DPP10: variants seen among roughly 807,000 people sequenced by gnomAD.
DPP10 encodes inactive dipeptidyl peptidase 10.
A neutral mutation model predicts 120.9 loss-of-function variants in DPP10; 33 were observed. The observed-to-expected ratio is 0.27, with a 90% CI of 0.21 to 0.37. The LOEUF (loss-of-function observed/expected upper bound fraction) is 0.37, where lower values mean the gene tolerates loss of function less well. DPP10 is among the 10% of genes least tolerant of loss of function. The probability of loss-of-function intolerance (pLI) is 1.00; values close to 1 mark genes in which losing one functional copy is unlikely to be tolerated. For synonymous variants in DPP10, 337 were observed against 326.1 expected (o/e 1.03, Z -0.36); for missense variants, 816 against 942.8 (o/e 0.87, Z 1.76).
chr2:115,047,761 C>T (rs896919193), intron 1 of DPP10, among the ~76,000 whole-genome samples: 2 of 152,076 alleles, frequency 1.3e-5, no homozygotes, highest in Non-Finnish European at 2.9e-5. Flanking sequence ...ATACATAACA[C>T]AGATATTAGT....
At chr2:114,637,517 T>C (rs562198526) in intron 1 of DPP10, among the ~76,000 whole-genome samples, 24 of 152,026 alleles carry the variant, frequency 1.6e-4, no homozygotes, top group Admixed American at 5.2e-4. Context: ...TTTTTGTTTT[T>C]GTTTCAGTTG....
At chr2:115,287,813 T>A (rs1374148382) in intron 1 of DPP10, among the ~76,000 whole-genome samples, 2 of 152,034 alleles carry the variant, frequency 1.3e-5, no homozygotes, top group African/African-American at 2.4e-5. Flanking sequence ...AGGTGAGGGA[T>A]CTCTACAAGA....
At chr2:114,958,637 C>A (rs2104698600) in intron 1 of DPP10, among the ~76,000 whole-genome samples, 1 of 151,882 alleles carries the variant, frequency 6.6e-6, no homozygotes, top group East Asian at 1.9e-4. Flanking sequence ...TATTGTACCC[C>A]CAAAATATTT....
intron 5 of DPP10, among the ~76,000 whole-genome samples, chr2:115,613,177 A>G (rs891603069): frequency 2.0e-5 from 3 of 152,148 alleles, no homozygotes; most frequent in Non-Finnish European, 2.9e-5. Context: ...TGCTATTTTT[A>G]TATAGATAGA....
At chr2:114,497,041 A>G (rs1457097926) in intron 1 of DPP10, among the ~76,000 whole-genome samples, 1 of 151,014 alleles carries the variant, frequency 6.6e-6, no homozygotes, top group Non-Finnish European at 1.5e-5. Context: ...ATATACATAT[A>G]TATGCATACA....
At chr2:115,642,114 C>T (rs2086832227) in intron 5 of DPP10, among the ~76,000 whole-genome samples, 1 of 151,964 alleles carries the variant, frequency 6.6e-6, no homozygotes, top group African/African-American at 2.4e-5. Context: ...TAACTCTAAC[C>T]ATCCAAATAT....
At chr2:114,717,650 A>T (rs2105892642) in intron 1 of DPP10, among the ~76,000 whole-genome samples, 1 of 152,316 alleles carries the variant, frequency 6.6e-6, no homozygotes, top group Non-Finnish European at 1.5e-5. Context: ...AGAAAATAAA[A>T]ATAGTAGCCA....
At chr2:114,500,503 T>G (rs1240128786) in intron 1 of DPP10, among the ~76,000 whole-genome samples, 1 of 152,198 alleles carries the variant, frequency 6.6e-6, no homozygotes, top group Non-Finnish European at 1.5e-5. Flanking sequence ...TAGATCAGAT[T>G]AGCCCCAGTT....
At chr2:114,839,542 T>A (rs1687993336) in intron 1 of DPP10, among the ~76,000 whole-genome samples, 1 of 152,210 alleles carries the variant, frequency 6.6e-6, no homozygotes, top group South Asian at 2.1e-4. Flanking sequence ...GCCAACTTAG[T>A]GATTTTCGTT....
chr2:115,206,845 A>G (rs1360907442), intron 1 of DPP10, among the ~76,000 whole-genome samples: 1 of 152,226 alleles, frequency 6.6e-6, no homozygotes, highest in African/African-American at 2.4e-5. Flanking sequence ...TCCAATCTAG[A>G]TACAGGCTAG....
intron 1 of DPP10, among the ~76,000 whole-genome samples, chr2:115,292,174 A>G (rs1333399655): frequency 3.3e-5 from 5 of 152,144 alleles, no homozygotes; most frequent in Non-Finnish European, 5.9e-5. Flanking sequence ...TCTTTAAGCC[A>G]GTATTCACCT....
intron 1 of DPP10, among the ~76,000 whole-genome samples, chr2:115,190,378 G>A (rs2054788514): frequency 6.6e-6 from 1 of 151,932 alleles, no homozygotes; most frequent in Admixed American, 6.6e-5. Context: ...ATCCTAGGGT[G>A]AAAGGCATGA....
At chr2:114,639,083 T>C (rs1156406888) in intron 1 of DPP10, among the ~76,000 whole-genome samples, 1 of 151,886 alleles carries the variant, frequency 6.6e-6, no homozygotes, top group African/African-American at 2.4e-5. Context: ...ATTAGTCTGT[T>C]CTCACACTGC....
intron 5 of DPP10, among the ~76,000 whole-genome samples, chr2:115,586,662 T>C (rs1311264535): frequency 3.9e-5 from 6 of 152,162 alleles, no homozygotes; most frequent in Non-Finnish European, 7.3e-5. Context: ...CTTCTCAGTG[T>C]GATGCTTTTT....
chr2:114,467,627 A>C (rs17048394), intron 1 of DPP10, among the ~76,000 whole-genome samples: 15,439 of 152,188 alleles, frequency 0.1, 2,603 homozygotes, highest in African/African-American at 0.35. Context: ...GTGATAAGGA[A>C]TCAATGCTTG....
At chr2:114,875,356 T>C (rs1691069239) in intron 1 of DPP10, among the ~76,000 whole-genome samples, 1 of 152,132 alleles carries the variant, frequency 6.6e-6, no homozygotes, top group Admixed American at 6.5e-5. Context: ...ATGAATAAAT[T>C]ACAACCTAGC....
At chr2:115,218,941 C>T (rs1465688873) in intron 1 of DPP10, among the ~76,000 whole-genome samples, 7 of 152,012 alleles carry the variant, frequency 4.6e-5, no homozygotes, top group Admixed American at 4.6e-4. Flanking sequence ...CTCAATTAAC[C>T]TATTAGTGTT....
intron 1 of DPP10, among the ~76,000 whole-genome samples, chr2:114,450,739 A>G (rs1297231859): frequency 6.6e-6 from 1 of 152,068 alleles, no homozygotes; most frequent in South Asian, 2.1e-4. Context: ...AAAAAAAAAA[A>G]AAAGGTTTTG....
chr2:115,358,457 A>C (rs772252260), intron 3 of DPP10, among the ~76,000 whole-genome samples: 3 of 152,152 alleles, frequency 2.0e-5, no homozygotes, highest in Non-Finnish European at 4.4e-5. Flanking sequence ...AAGCCATTCA[A>C]CAAATCTTTA....
Sources: gnomAD v4.1 joint callset for allele counts (sites outside exome capture counted in the v4.1 genomes callset) on GRCh38, gnomAD v4.1.1 for gene constraint, MANE v1.5 for transcripts, NCBI Gene and HGNC (gene_info 2026-07-23, HGNC 2026-07-21) for gene names.